Variants in CFTR observed in about 807,000 individuals in gnomAD.
The protein encoded by CFTR is cystic fibrosis transmembrane conductance regulator.
In CFTR, 181 loss-of-function variants were observed where a neutral mutation model predicts 171.6. The ratio of observed to expected loss-of-function variants is 1.05; its 90% CI spans 0.93 to 1.19. CFTR has a LOEUF of 1.19. CFTR is among the 50% of genes most tolerant of loss of function. The pLI is 0.00. For missense variants in CFTR, 1,968 were observed against 1,734.7 expected, an observed-to-expected ratio of 1.13 and a Z score of -2.39; for synonymous variants, 583 against 608.0, an observed-to-expected ratio of 0.96 and a Z score of 0.60.
At chr7:117,543,931 G>A (rs184470763) in intron 9 of CFTR, among the ~76,000 whole-genome samples, 2 of 152,272 alleles carry the variant, frequency 1.3e-5, no homozygotes, top group East Asian at 3.9e-4. Context: ...AGTTTTGTTA[G>A]CACCTGGACT....
chr7:117,504,243 T>C lies in CFTR; in HGVS notation c.54-10T>C. ...CAAGTGAATATCTGTTCCTCCTCTC[T>C]TTATTTTAGCTGGACCAGACCAATT... On this transcript the variant is annotated splice_polypyrimidine_tract_variant and intron_variant, in intron 1 of 26. Coordinates refer to ENST00000003084, the MANE Select transcript of CFTR (RefSeq NM_000492.4). 1 of 1,528,474 alleles carries C rather than the reference T, an allele frequency of 6.5e-7. No homozygotes were observed. The highest frequency in any genetic ancestry group is 9.1e-7 in the Non-Finnish European group (1 of 1,102,032). The allele number at this position is 1,528,474 out of a possible 1,614,324, so 94.7% of individuals were successfully genotyped here.
At chr7:117,518,016 A>T (rs1274610024) in intron 3 of CFTR, among the ~76,000 whole-genome samples, 1 of 151,982 alleles carries the variant, frequency 6.6e-6, no homozygotes, top group Admixed American at 6.6e-5. Context: ...GTTCACTCTG[A>T]TGATAGTTTC....
At chr7:117,665,113 A>T (rs1042814535) in intron 25 of CFTR, among the ~76,000 whole-genome samples, 4 of 152,208 alleles carry the variant, frequency 2.6e-5, no homozygotes, top group Non-Finnish European at 5.9e-5. Flanking sequence ...GAAGCTTTTA[A>T]ATACATGGGC....
rs1021474992 is a variant in CFTR at position 117,530,886 on chromosome 7, T to C, written c.274-13T>C. 1.3e-5 allele frequency: 20 copies of C among 1,536,180 alleles called. No individual in the cohort carries two copies. Among genetic ancestry groups the C allele is most frequent in the Non-Finnish European group, 1.7e-5 (19 of 1,110,338 alleles). On this transcript the variant is annotated splice_polypyrimidine_tract_variant and intron_variant, in intron 3 of 26. Coordinates refer to ENST00000003084, the MANE Select transcript of CFTR (RefSeq NM_000492.4). The stretch of plus-strand genomic sequence containing the variant: ...AAATGAAATTTAATTTCTCTGTTTT[T>C]CCCCTTTTGTAGGAAGTCACCAAAG...
At chr7:117,655,206 T>C (rs1341316534) in intron 24 of CFTR, among the ~76,000 whole-genome samples, 1 of 152,190 alleles carries the variant, frequency 6.6e-6, no homozygotes. Flanking sequence ...ATAATTCCAT[T>C]TTAAAGTCAT....
intron 23 of CFTR, among the ~76,000 whole-genome samples, chr7:117,643,830 T>C (rs1342815038): frequency 1.3e-5 from 2 of 152,176 alleles, no homozygotes; most frequent in South Asian, 2.1e-4. Context: ...TTGGTTTTTA[T>C]TGTTCTTGTT....
intron 21 of CFTR, among the ~76,000 whole-genome samples, chr7:117,615,734 A>T (rs1239171421): frequency 6.6e-6 from 1 of 151,898 alleles, no homozygotes; most frequent in Non-Finnish European, 1.5e-5. Context: ...TTGCAGCGGG[A>T]CTGAGAAATT....
At position 117,540,311 on chromosome 7, in the gene CFTR, T is replaced by C. The variant is rs397508154; in HGVS notation, c.1081T>C (p.Trp361Arg). The C allele has an allele frequency of 1.2e-6, 2 of 1,613,940 alleles. No homozygotes were observed. The highest frequency in any genetic ancestry group is 1.7e-6 in the Non-Finnish European group (2 of 1,179,810). ...TRQFPWAVQT[W>R]YDSLGAINKI... ...GCAATTTCCCTGGGCTGTACAAACA[T>C]GGTATGACTCTCTTGGAGCAATAAA... Residue 361 changes from tryptophan to arginine, a missense_variant, in exon 8 of 27, where the codon TGG becomes CGG. Coordinates refer to ENST00000003084, the MANE Select transcript of CFTR (RefSeq NM_000492.4).
intron 24 of CFTR, among the ~76,000 whole-genome samples, chr7:117,658,986 G>A (rs1443855494): frequency 6.6e-6 from 1 of 152,106 alleles, no homozygotes; most frequent in Non-Finnish European, 1.5e-5. Context: ...GGCTTACCAG[G>A]TCCTTCATGA....
intron 1 of CFTR, among the ~76,000 whole-genome samples, chr7:117,499,601 C>T (rs1391644766): frequency 6.7e-6 from 1 of 149,436 alleles, no homozygotes; most frequent in Non-Finnish European, 1.5e-5. Context: ...AATCTGTATG[C>T]CTTAGGGATC....
At chr7:117,554,731 C>T (rs941577537) in intron 10 of CFTR, among the ~76,000 whole-genome samples, 7 of 152,012 alleles carry the variant, frequency 4.6e-5, no homozygotes, top group African/African-American at 1.2e-4. Flanking sequence ...TGTGGTATCC[C>T]GGAACCCAAC....
chr7:117,625,372 A>G (rs1297155583), intron 21 of CFTR, among the ~76,000 whole-genome samples: 1 of 152,174 alleles, frequency 6.6e-6, no homozygotes, highest in Non-Finnish European at 1.5e-5. Context: ...GAGCTTCACT[A>G]ATGGAGAATG....
Position 117,592,137 on chromosome 7 carries a change from G to GA in CFTR, c.1972dup (p.Arg658LysfsTer7). The GA allele has an allele frequency of 6.2e-7, 1 of 1,614,028 alleles. No individual in the cohort carries two copies. Among genetic ancestry groups the GA allele is most frequent in the Admixed American group, 1.7e-5 (1 of 60,024 alleles). ...TCTTTCGACCAATTTAGTGCAGAAA[G>GA]AAGAAATTCAATCCTAACTGAGACC... is the stretch of plus-strand genomic sequence containing the variant. On this transcript the variant is annotated frameshift_variant, in exon 14 of 27. Transcript: ENST00000003084. LOFTEE classifies it high-confidence loss of function.
intron 1 of CFTR, among the ~76,000 whole-genome samples, chr7:117,491,716 A>G (rs946516969): frequency 1.3e-5 from 2 of 152,068 alleles, no homozygotes; most frequent in African/African-American, 4.8e-5. Flanking sequence ...ATATTGGATT[A>G]GGGTCTACTT....
chr7:117,531,566 AC>A (rs1211368957), intron 4 of CFTR, among the ~76,000 whole-genome samples: 1 of 152,110 alleles, frequency 6.6e-6, no homozygotes, highest in African/African-American at 2.4e-5. Flanking sequence ...AGTAGTATCC[AC>A]CGCCTTATTT....
intron 9 of CFTR, among the ~76,000 whole-genome samples, chr7:117,542,760 C>T (rs904050763): frequency 6.6e-6 from 1 of 152,084 alleles, no homozygotes; most frequent in African/African-American, 2.4e-5. Flanking sequence ...TTTGTGGGCC[C>T]TCTGGCTCTC....
At chr7:117,657,542 C>G (rs2116206280) in intron 24 of CFTR, among the ~76,000 whole-genome samples, 1 of 152,218 alleles carries the variant, frequency 6.6e-6, no homozygotes, top group Middle Eastern at 3.4e-3. Context: ...AGTCACAAGG[C>G]CTAGGCTTTA....
intron 14 of CFTR, among the ~76,000 whole-genome samples, chr7:117,593,749 C>A (rs981389845): frequency 3.9e-5 from 6 of 151,926 alleles, no homozygotes; most frequent in African/African-American, 1.4e-4. Context: ...GCATGCACCA[C>A]CATGCCGAGC....
At chr7:117,514,391 G>C (rs1024546202) in intron 3 of CFTR, among the ~76,000 whole-genome samples, 1 of 152,004 alleles carries the variant, frequency 6.6e-6, no homozygotes, top group Non-Finnish European at 1.5e-5. Flanking sequence ...TCCCTTTTAC[G>C]AGTGAGAACA....
Sources: gnomAD v4.1 joint callset for allele counts (sites outside exome capture counted in the v4.1 genomes callset) on GRCh38, gnomAD v4.1.1 for gene constraint, MANE v1.5 for transcripts, NCBI Gene and HGNC (gene_info 2026-07-23, HGNC 2026-07-21) for gene names.